GAREM1: variants seen among roughly 807,000 people sequenced by gnomAD.
GAREM1 encodes GRB2-associated and regulator of MAPK protein 1.
A neutral mutation model predicts 71.3 loss-of-function variants in GAREM1; 26 were observed. That is an observed-to-expected ratio of 0.36 (90% CI 0.27 to 0.51). The LOEUF (loss-of-function observed/expected upper bound fraction) is 0.51. Ranked by LOEUF, GAREM1 falls within the 20% of genes least tolerant of loss-of-function variation. GAREM1 has a pLI of 0.95. For missense variants in GAREM1, 1,026 were observed against 1,103.1 expected, an observed-to-expected ratio of 0.93 and a Z score of 0.99; for synonymous variants, 440 against 433.2, an observed-to-expected ratio of 1.02 and a Z score of -0.20.
At chr18:32,387,202 G>T (rs1347660990) in intron 2 of GAREM1, among the ~76,000 whole-genome samples, 2 of 152,070 alleles carry the variant, frequency 1.3e-5, no homozygotes, top group African/African-American at 4.8e-5. Flanking sequence ...TACATTAATT[G>T]TAGAATAAAA....
intron 4 of GAREM1, among the ~76,000 whole-genome samples, chr18:32,285,011 A>G (rs1179715576): frequency 6.6e-6 from 1 of 151,826 alleles, no homozygotes; most frequent in East Asian, 1.9e-4. Flanking sequence ...GGCCTCCCAA[A>G]GTGCTGGGAT....
At chr18:32,376,086 A>G (rs2048028073) in intron 2 of GAREM1, among the ~76,000 whole-genome samples, 1 of 152,250 alleles carries the variant, frequency 6.6e-6, no homozygotes, top group South Asian at 2.1e-4. Context: ...GTATGGATTA[A>G]TAATTTCCAG....
At position 32,272,773 on chromosome 18, in the gene GAREM1, G is replaced by A. The variant is rs186335203; in HGVS notation, c.1567-2390C>T. ...TGAGTAGCTGGGATCACAGGCATGC[G>A]CCACCACACCCAGCTAATTTTGTAT... On this transcript the variant is annotated intron_variant, in intron 4 of 5. Transcript: ENST00000269209. Among the ~76,000 whole-genome samples the A allele has an allele frequency of 1.7e-4, 26 of 152,278 alleles. 1 individual carries two copies. The South Asian group carries it at 2.3e-3, about 13-fold the overall frequency.
intron 1 of GAREM1, among the ~76,000 whole-genome samples, chr18:32,464,083 G>C (rs570925842): frequency 1.4e-5 from 2 of 146,312 alleles, no homozygotes; most frequent in Admixed American, 1.4e-4. Context: ...TTGAGGTCAG[G>C]AGTTCAAGAC....
At chr18:32,306,203 G>A (rs887303313) in intron 3 of GAREM1, among the ~76,000 whole-genome samples, 5 of 152,108 alleles carry the variant, frequency 3.3e-5, no homozygotes, top group African/African-American at 1.2e-4. Context: ...ATTTGACACA[G>A]TTGCTCATTC....
chr18:32,453,517 C>T (rs1458520675), intron 1 of GAREM1, among the ~76,000 whole-genome samples: 1 of 152,174 alleles, frequency 6.6e-6, no homozygotes, highest in Non-Finnish European at 1.5e-5. Flanking sequence ...CTTTTGGTGG[C>T]TCAGGTAAGC....
At chr18:32,270,610 G>T (rs2041446566) in intron 4 of GAREM1, among the ~76,000 whole-genome samples, 1 of 152,202 alleles carries the variant, frequency 6.6e-6, no homozygotes, top group African/African-American at 2.4e-5. Flanking sequence ...ATTTTTGAAA[G>T]AAACTGCTTG....
chr18:32,465,609 G>A (rs924152762), intron 1 of GAREM1, among the ~76,000 whole-genome samples: 1 of 152,004 alleles, frequency 6.6e-6, no homozygotes, highest in Non-Finnish European at 1.5e-5. Context: ...ATGCAGCCTT[G>A]GTCTTCCTTT....
chr18:32,263,706 T>A lies in GAREM1; in HGVS notation c.*4165A>T, dbSNP rs2041336668. ...ACCCAAGTTTTCCAAGCAAAGAAAC[T>A]GTAAAGATGGTTACAAAATTCTTTG... On this transcript the variant is annotated 3_prime_UTR_variant, in exon 6 of 6. Coordinates refer to ENST00000269209, the MANE Select transcript of GAREM1 (RefSeq NM_001242409.2). 1 of 152,196 alleles carries A rather than the reference T, an allele frequency of 6.6e-6. No homozygotes were observed. The highest frequency in any genetic ancestry group is 2.4e-5 in the African/African-American group (1 of 41,464). 9.4% of individuals were successfully genotyped at this position (152,196 alleles called of 1,614,324 possible). A position where few individuals can be genotyped will look rare whatever the true frequency, so the allele number is the denominator to read the frequency against.
At chr18:32,375,952 A>C (rs942934485) in intron 2 of GAREM1, among the ~76,000 whole-genome samples, 2 of 152,224 alleles carry the variant, frequency 1.3e-5, no homozygotes, top group Non-Finnish European at 2.9e-5. Context: ...TAGGCATCTT[A>C]ATTTCTAACA....
Position 32,312,109 on chromosome 18 carries a change from A to G in GAREM1, c.263-1786T>C, listed in dbSNP as rs538466833. The stretch of plus-strand genomic sequence containing the variant: ...CTGGACAGGTAAGTCTGAGATGTCT[A>G]TTGGACACGCAAACAGAGATGTTCA... On this transcript the variant is annotated intron_variant, in intron 2 of 5. Transcript: ENST00000269209. 2.6e-5 allele frequency among the ~76,000 whole-genome samples: 4 copies of G among 152,342 alleles called. No homozygotes were observed. In the East Asian group the frequency reaches 7.7e-4, roughly 29 times the overall value.
At chr18:32,464,446 G>A (rs2048980491) in intron 1 of GAREM1, among the ~76,000 whole-genome samples, 1 of 152,168 alleles carries the variant, frequency 6.6e-6, no homozygotes, top group African/African-American at 2.4e-5. Flanking sequence ...CTGAGCCCAG[G>A]AGTCTGAGGG....
intron 1 of GAREM1, among the ~76,000 whole-genome samples, chr18:32,422,870 T>G (rs529160396): frequency 6.6e-6 from 1 of 152,326 alleles, no homozygotes; most frequent in African/African-American, 2.4e-5. Flanking sequence ...GTCAAGTGCT[T>G]TCCTTTTATA....
chr18:32,279,915 T>C (rs1232531148), intron 4 of GAREM1, among the ~76,000 whole-genome samples: 2 of 152,206 alleles, frequency 1.3e-5, no homozygotes, highest in African/African-American at 4.8e-5. Context: ...GAATGGCAAT[T>C]AGTTTCAAAG....
At chr18:32,280,531 GT>G (rs2041599002) in intron 4 of GAREM1, among the ~76,000 whole-genome samples, 1 of 152,200 alleles carries the variant, frequency 6.6e-6, no homozygotes, top group African/African-American at 2.4e-5. Flanking sequence ...AGGCACTCTA[GT>G]TCTTCAAAAC....
intron 2 of GAREM1, among the ~76,000 whole-genome samples, chr18:32,380,077 G>A (rs749572900): frequency 1.3e-5 from 2 of 152,136 alleles, no homozygotes; most frequent in Non-Finnish European, 2.9e-5. Context: ...GCCATGACAC[G>A]CATGGTTGCT....
chr18:32,292,940 T>C (rs1318650753), intron 3 of GAREM1, among the ~76,000 whole-genome samples: 2 of 152,120 alleles, frequency 1.3e-5, no homozygotes, highest in Non-Finnish European at 2.9e-5. Flanking sequence ...AATTTATTTG[T>C]ATTGTAAGAT....
At chr18:32,271,510 T>A (rs1414882354) in intron 4 of GAREM1, among the ~76,000 whole-genome samples, 2 of 152,122 alleles carry the variant, frequency 1.3e-5, no homozygotes, top group Admixed American at 6.5e-5. Flanking sequence ...TAAATATGAG[T>A]GTGTATCATC....
rs1272442806 is a variant in GAREM1 at position 32,344,177 on chromosome 18, A to T, written c.263-33854T>A. ...CCTTCCTCCCCGCCTCCTCACTCCC[A>T]GTCCCCAACTGTAGGCTGTTTCTTT... On this transcript the variant is annotated intron_variant, in intron 2 of 5. Coordinates refer to ENST00000269209, the MANE Select transcript of GAREM1 (RefSeq NM_001242409.2). Among the ~76,000 whole-genome samples the T allele has an allele frequency of 5.9e-5, 9 of 152,230 alleles. No homozygotes were observed. The South Asian group carries it at 1.9e-3, about 32-fold the overall frequency.
Sources: gnomAD v4.1 joint callset for allele counts (sites outside exome capture counted in the v4.1 genomes callset) on GRCh38, gnomAD v4.1.1 for gene constraint, MANE v1.5 for transcripts, NCBI Gene and HGNC (gene_info 2026-07-23, HGNC 2026-07-21) for gene names.